Variants in PTPRD observed in about 807,000 individuals in gnomAD.
PTPRD encodes the protein receptor-type tyrosine-protein phosphatase delta.
A neutral mutation model predicts 214.5 loss-of-function variants in PTPRD; 34 were observed. That is an observed-to-expected ratio of 0.16 (90% confidence interval 0.12 to 0.21). The LOEUF is 0.21. PTPRD is among the 10% of genes least tolerant of loss of function. PTPRD has a pLI of 1.00. For synonymous variants in PTPRD, 1,128 were observed against 845.7 expected, an observed-to-expected ratio of 1.33 and a Z score of -5.79; for missense variants, 2,545 against 2,398.7, an observed-to-expected ratio of 1.06 and a Z score of -1.27.
intron 14 of PTPRD, among the ~76,000 whole-genome samples, chr9:8,581,188 T>C (rs879543083): frequency 1.3e-5 from 2 of 151,484 alleles, no homozygotes; most frequent in Non-Finnish European, 2.9e-5. Flanking sequence ...GCCTTAGGAA[T>C]ATATTATAAA....
intron 43 of PTPRD, among the ~76,000 whole-genome samples, chr9:8,334,252 C>T (rs1163597220): frequency 6.6e-6 from 1 of 152,118 alleles, no homozygotes; most frequent in Non-Finnish European, 1.5e-5. Flanking sequence ...CCACATTGCA[C>T]TTATTCTAAC....
At chr9:9,426,736 T>G (rs2081093630) in intron 8 of PTPRD, among the ~76,000 whole-genome samples, 1 of 152,130 alleles carries the variant, frequency 6.6e-6, no homozygotes, top group Non-Finnish European at 1.5e-5. Context: ...GGCAGCAACA[T>G]TTGCCGTTCT....
At chr9:10,334,303 T>G (rs535816646) in intron 3 of PTPRD, among the ~76,000 whole-genome samples, 1 of 151,766 alleles carries the variant, frequency 6.6e-6, no homozygotes, top group Admixed American at 6.6e-5. Context: ...GAAAATAACA[T>G]AATAATACCA....
At chr9:8,682,222 G>C (rs1032175324) in intron 12 of PTPRD, among the ~76,000 whole-genome samples, 3 of 152,136 alleles carry the variant, frequency 2.0e-5, no homozygotes, top group Non-Finnish European at 2.9e-5. Flanking sequence ...GTTTTTGCAC[G>C]AGAGAAGTCT....
intron 14 of PTPRD, among the ~76,000 whole-genome samples, chr9:8,591,591 G>A (rs548255895): frequency 1.3e-5 from 2 of 152,178 alleles, no homozygotes; most frequent in Admixed American, 1.3e-4. Flanking sequence ...AGGAGGAGGT[G>A]GACATTTTCC....
chr9:10,522,163 G>C (rs1385529747), intron 2 of PTPRD, among the ~76,000 whole-genome samples: 1 of 152,156 alleles, frequency 6.6e-6, no homozygotes, highest in Non-Finnish European at 1.5e-5. Context: ...CCTCCTCCCA[G>C]TGCTACTCCA....
chr9:9,517,931 T>C (rs1257250740), intron 8 of PTPRD, among the ~76,000 whole-genome samples: 2 of 151,496 alleles, frequency 1.3e-5, no homozygotes, highest in Non-Finnish European at 2.9e-5. Flanking sequence ...GTGTTGTATA[T>C]GCAGAAATAT....
At chr9:9,259,780 T>A (rs532096667) in intron 9 of PTPRD, among the ~76,000 whole-genome samples, 12 of 152,012 alleles carry the variant, frequency 7.9e-5, no homozygotes, top group African/African-American at 2.9e-4. Context: ...TTTGGAGAAC[T>A]GTATACCAAC....
chr9:10,145,459 C>T (rs2099015782), intron 3 of PTPRD, among the ~76,000 whole-genome samples: 1 of 152,084 alleles, frequency 6.6e-6, no homozygotes, highest in Non-Finnish European at 1.5e-5. Flanking sequence ...AAATTGTAAA[C>T]GTATTTTCTC....
chr9:9,371,937 T>G (rs1161673400), intron 9 of PTPRD, among the ~76,000 whole-genome samples: 2 of 152,210 alleles, frequency 1.3e-5, no homozygotes, highest in African/African-American at 4.8e-5. Flanking sequence ...GTGAGTTTCT[T>G]AATCCTGAGT....
At chr9:9,783,253 T>G (rs1365672420) in intron 5 of PTPRD, among the ~76,000 whole-genome samples, 1 of 152,170 alleles carries the variant, frequency 6.6e-6, no homozygotes, top group Non-Finnish European at 1.5e-5. Flanking sequence ...ATTTGTATAT[T>G]TTTTTACCAA....
chr9:10,103,113 A>C (rs1416333030), intron 3 of PTPRD, among the ~76,000 whole-genome samples: 1 of 151,576 alleles, frequency 6.6e-6, no homozygotes, highest in Non-Finnish European at 1.5e-5. Flanking sequence ...CTATAGACCT[A>C]GTATAGCTGA....
At chr9:9,631,168 T>C (rs1042072345) in intron 7 of PTPRD, among the ~76,000 whole-genome samples, 2 of 148,578 alleles carry the variant, frequency 1.3e-5, no homozygotes, top group Admixed American at 6.7e-5. Context: ...GCAGCTGTGG[T>C]ACTCCTTAGA....
chr9:10,047,981 C>G (rs1233764040), intron 3 of PTPRD, among the ~76,000 whole-genome samples: 2 of 152,146 alleles, frequency 1.3e-5, no homozygotes, highest in Admixed American at 6.5e-5. Context: ...TGATAGTTCC[C>G]ATTATAACAG....
At chr9:9,040,975 T>G (rs1311262668) in intron 10 of PTPRD, among the ~76,000 whole-genome samples, 1 of 152,176 alleles carries the variant, frequency 6.6e-6, no homozygotes, top group East Asian at 1.9e-4. Context: ...GAGCTTGATT[T>G]GTAAGTGTTC....
intron 4 of PTPRD, among the ~76,000 whole-genome samples, chr9:10,008,647 T>A (rs1322869676): frequency 6.6e-6 from 1 of 151,762 alleles, no homozygotes; most frequent in Non-Finnish European, 1.5e-5. Context: ...CCTTCCTTAT[T>A]TCAAGTGTCT....
intron 2 of PTPRD, among the ~76,000 whole-genome samples, chr9:10,566,798 T>A (rs2065777310): frequency 1.3e-5 from 2 of 152,078 alleles, no homozygotes; most frequent in African/African-American, 4.8e-5. Flanking sequence ...TCCAAGTTTT[T>A]AAGTAACTTC....
intron 8 of PTPRD, among the ~76,000 whole-genome samples, chr9:9,459,872 A>G (rs1354760826): frequency 6.6e-6 from 1 of 152,102 alleles, no homozygotes; most frequent in African/African-American, 2.4e-5. Flanking sequence ...ACCCAAAAAG[A>G]GCCCAAGTAG....
intron 14 of PTPRD, among the ~76,000 whole-genome samples, chr9:8,548,365 C>A (rs1041075276): frequency 2.0e-5 from 3 of 151,748 alleles, no homozygotes; most frequent in African/African-American, 4.8e-5. Flanking sequence ...ATGCATGCAG[C>A]TGGAATTTTG....
Sources: gnomAD v4.1 joint callset for allele counts (sites outside exome capture counted in the v4.1 genomes callset) on GRCh38, gnomAD v4.1.1 for gene constraint, MANE v1.5 for transcripts, NCBI Gene and HGNC (gene_info 2026-07-23, HGNC 2026-07-21) for gene names.